The following CACNA2D1 variants were observed in gnomAD, a reference collection of about 807,000 sequenced individuals.
CACNA2D1 encodes calcium voltage-gated channel auxiliary subunit alpha2delta 1, also known as voltage-dependent calcium channel subunit alpha-2/delta-1.
CACNA2D1 carries 53 observed loss-of-function variants against 171.5 expected under a neutral mutation model. The observed-to-expected ratio is 0.31, with a 90% CI of 0.25 to 0.39. CACNA2D1 has a LOEUF of 0.39. Ranked by LOEUF, CACNA2D1 falls within the 10% of genes least tolerant of loss-of-function variation. The probability of loss-of-function intolerance (pLI) is 1.00; values close to 1 mark genes in which losing one functional copy is unlikely to be tolerated. For synonymous variants in CACNA2D1, 442 were observed against 443.1 expected (o/e 1.00, Z 0.03); for missense variants, 903 against 1,299.8 (o/e 0.69, Z 4.69).
At chr7:82,325,577 A>G (rs1816549961) in intron 3 of CACNA2D1, among the ~76,000 whole-genome samples, 1 of 152,202 alleles carries the variant, frequency 6.6e-6, no homozygotes, top group Non-Finnish European at 1.5e-5. Context: ...CATGGAGCTG[A>G]GAAACATGAT....
intron 10 of CACNA2D1, among the ~76,000 whole-genome samples, chr7:82,041,667 C>G (rs1803980501): frequency 6.6e-6 from 1 of 152,172 alleles, no homozygotes; most frequent in Non-Finnish European, 1.5e-5. Flanking sequence ...TGAGTATCTT[C>G]AGGTCCAAAT....
intron 1 of CACNA2D1, among the ~76,000 whole-genome samples, chr7:82,427,376 A>G (rs1366835273): frequency 6.6e-6 from 1 of 152,212 alleles, no homozygotes; most frequent in Non-Finnish European, 1.5e-5. Context: ...ATGAATGACA[A>G]TTCTGTAACA....
chr7:82,352,096 C>A (rs986784175), intron 1 of CACNA2D1, among the ~76,000 whole-genome samples: 1 of 152,166 alleles, frequency 6.6e-6, no homozygotes, highest in Non-Finnish European at 1.5e-5. Context: ...TTTAGGTGAG[C>A]CTGTTTTGGC....
At chr7:82,051,378 G>A (rs544297435) in intron 10 of CACNA2D1, among the ~76,000 whole-genome samples, 4 of 151,728 alleles carry the variant, frequency 2.6e-5, no homozygotes, top group Non-Finnish European at 4.4e-5. Flanking sequence ...GCTGCTTAGC[G>A]ACTACAATCT....
At chr7:82,063,959 A>G (rs915553016) in intron 9 of CACNA2D1, among the ~76,000 whole-genome samples, 3 of 151,964 alleles carry the variant, frequency 2.0e-5, no homozygotes, top group Non-Finnish European at 4.4e-5. Context: ...CCTGGGCTCA[A>G]GCAATCCTCC....
At chr7:82,111,387 T>A (rs1788386195) in intron 6 of CACNA2D1, among the ~76,000 whole-genome samples, 1 of 134,372 alleles carries the variant, frequency 7.4e-6, no homozygotes, top group Non-Finnish European at 1.6e-5. Flanking sequence ...CATATATGTG[T>A]ATATATGTAT....
chr7:82,006,078 A>G (rs1347154277), intron 16 of CACNA2D1, among the ~76,000 whole-genome samples: 1 of 152,016 alleles, frequency 6.6e-6, no homozygotes, highest in Non-Finnish European at 1.5e-5. Context: ...TAAAATATAT[A>G]AAGGATAAAT....
At chr7:82,154,549 C>T (rs1794179055) in intron 4 of CACNA2D1, among the ~76,000 whole-genome samples, 1 of 151,888 alleles carries the variant, frequency 6.6e-6, no homozygotes, top group Non-Finnish European at 1.5e-5. Context: ...ACATGTATAC[C>T]TAAGTAAAAA....
intron 5 of CACNA2D1, among the ~76,000 whole-genome samples, chr7:82,134,991 C>A (rs187971427): frequency 6.6e-6 from 1 of 152,026 alleles, no homozygotes; most frequent in Admixed American, 6.6e-5. Context: ...AAGAAAATCA[C>A]CAATTTCAAT....
At chr7:82,169,573 G>T (rs1396011325) in intron 4 of CACNA2D1, among the ~76,000 whole-genome samples, 2 of 151,956 alleles carry the variant, frequency 1.3e-5, no homozygotes, top group East Asian at 3.9e-4. Flanking sequence ...CATAATCATA[G>T]AAACACAAAG....
intron 31 of CACNA2D1, among the ~76,000 whole-genome samples, chr7:81,966,035 CA>C (rs1794677153): frequency 6.6e-6 from 1 of 151,446 alleles, no homozygotes; most frequent in Non-Finnish European, 1.5e-5. Flanking sequence ...AGGATTTTGA[CA>C]AAAAGATATT....
intron 3 of CACNA2D1, among the ~76,000 whole-genome samples, chr7:82,180,136 G>T (rs2129167688): frequency 6.6e-6 from 1 of 152,242 alleles, no homozygotes; most frequent in East Asian, 1.9e-4. Context: ...AGTTTTTCAA[G>T]AATGCATAGC....
In CACNA2D1 at chr7:81,982,560, A is replaced by C; in HGVS notation, c.1955+7T>G. On this transcript the variant is annotated splice_region_variant and intron_variant, in intron 24 of 38. Transcript: ENST00000356860. Reference sequence around the variant, plus strand: ...AGAAGATGTATCAAAAATACAACAAAACCAACCTTGGTGCTATGAATGTAT... The same window carrying C: ...AGAAGATGTATCAAAAATACAACAACACCAACCTTGGTGCTATGAATGTAT... 1 of 1,581,784 alleles carries C rather than the reference A, an allele frequency of 6.3e-7. No individual in the cohort carries two copies. Among genetic ancestry groups the C allele is most frequent in the East Asian group, 2.2e-5 (1 of 44,652 alleles).
intron 10 of CACNA2D1, among the ~76,000 whole-genome samples, chr7:82,047,673 T>C (rs920997812): frequency 6.6e-6 from 1 of 152,116 alleles, no homozygotes; most frequent in African/African-American, 2.4e-5. Flanking sequence ...CTACGTGCCT[T>C]GAACTACTCT....
At chr7:82,034,055 T>A (rs1019286118) in intron 11 of CACNA2D1, among the ~76,000 whole-genome samples, 3 of 152,054 alleles carry the variant, frequency 2.0e-5, no homozygotes, top group Non-Finnish European at 2.9e-5. Context: ...AACCCAGTCA[T>A]CCAAAATATT....
chr7:82,057,914 G>A (rs978966995), intron 10 of CACNA2D1, among the ~76,000 whole-genome samples: 1 of 152,126 alleles, frequency 6.6e-6, no homozygotes, highest in Non-Finnish European at 1.5e-5. Flanking sequence ...CCATCCTGAT[G>A]TTCCATGTTT....
intron 4 of CACNA2D1, among the ~76,000 whole-genome samples, chr7:82,157,859 A>G (rs1281048487): frequency 6.6e-6 from 1 of 152,060 alleles, no homozygotes; most frequent in East Asian, 1.9e-4. Context: ...GTATGAAAAG[A>G]TAAAATGTAT....
intron 16 of CACNA2D1, among the ~76,000 whole-genome samples, chr7:82,007,153 T>C (rs1799200486): frequency 6.6e-6 from 1 of 152,070 alleles, no homozygotes; most frequent in African/African-American, 2.4e-5. Context: ...AAATTAAGCA[T>C]TCTATGAAAT....
At chr7:81,975,611 T>C (rs981754006) in intron 24 of CACNA2D1, among the ~76,000 whole-genome samples, 3 of 152,202 alleles carry the variant, frequency 2.0e-5, no homozygotes, top group African/African-American at 7.2e-5. Flanking sequence ...TTTTTTTGCC[T>C]TCTGTTACAT....
Sources: gnomAD v4.1 joint callset for allele counts (sites outside exome capture counted in the v4.1 genomes callset) on GRCh38, gnomAD v4.1.1 for gene constraint, MANE v1.5 for transcripts, NCBI Gene and HGNC (gene_info 2026-07-23, HGNC 2026-07-21) for gene names.